The following FGD5 variants were observed in gnomAD, a reference collection of about 807,000 sequenced individuals.
The protein encoded by FGD5 is FYVE, RhoGEF and PH domain-containing protein 5.
In FGD5, 28 loss-of-function variants were observed where a neutral mutation model predicts 133.4. The observed-to-expected ratio is 0.21, with a 90% CI of 0.16 to 0.29. FGD5 has a LOEUF of 0.29. Among genes scored for constraint, FGD5 ranks in the 10% least tolerant of loss-of-function variants. The pLI, the probability that FGD5 is intolerant of heterozygous loss-of-function variation, is 1.00. For missense variants in FGD5, 1,858 were observed against 1,895.2 expected, an observed-to-expected ratio of 0.98 and a Z score of 0.36; for synonymous variants, 810 against 776.5, an observed-to-expected ratio of 1.04 and a Z score of -0.72.
chr3:14,839,933 A>AAAACAAACAAAC lies in FGD5; in HGVS notation c.2525+18359_2525+18370dup, dbSNP rs71038439. Among the ~76,000 whole-genome samples, 1,097 of 149,660 alleles carry AAAACAAACAAAC rather than the reference A, an allele frequency of 7.3e-3. 10 individuals carry two copies. Among genetic ancestry groups the AAAACAAACAAAC allele is most frequent in the African/African-American group, 0.023 (913 of 40,436 alleles). On this transcript the variant is annotated intron_variant, in intron 1 of 19. Transcript: ENST00000285046. ...GGGCAACTGAGCAAGACTGTCTCAA[A>AAAACAAACAAAC]AAACAAACAAACAAACAAACAAACA... is the stretch of plus-strand genomic sequence containing the variant.
At chr3:14,898,638 G>A (rs1196607003) in intron 6 of FGD5, 101 bp from the exon 7 acceptor site, 17 of 922,524 alleles carry the variant, frequency 1.8e-5, no homozygotes, top group African/African-American at 1.3e-4. Flanking sequence ...CAGCTGGCCC[G>A]GGAAGAGGTG....
intron 2 of FGD5, among the ~76,000 whole-genome samples, chr3:14,872,819 A>G (rs34725874): frequency 0.049 from 7,444 of 152,328 alleles, 224 homozygotes; most frequent in Middle Eastern, 0.092. Flanking sequence ...TGTCCAGTCA[A>G]TCCAATCAAA....
rs540823510 is a variant in FGD5 at position 14,840,616 on chromosome 3, A to G, written c.2525+19020A>G. ...TTTAATGACTGCAAGGAATTCCAAT[A>G]TCCAGTCACCTATTGGTAGATATTG... On this transcript the variant is annotated intron_variant, in intron 1 of 19. Transcript: ENST00000285046. Among the ~76,000 whole-genome samples the G allele has an allele frequency of 9.2e-5, 14 of 152,332 alleles. No individual in the cohort carries two copies. In the South Asian group the frequency reaches 2.7e-3, roughly 29 times the overall value.
Position 14,922,656 on chromosome 3 carries a change from CAG to C in FGD5, c.3807+111_3807+112del. On this transcript the variant is annotated intron_variant, in intron 15 of 19. Transcript: ENST00000285046. The surrounding 1 kb of genome is among the most constrained non-coding windows in gnomAD (Gnocchi z 4.1). ...GATGTCCAGCAGCTACTGTAAGCCC[CAG>C]AGTGAGGCATGTTCACACCAACCCG... 1 of 1,422,842 alleles carries C rather than the reference CAG, an allele frequency of 7.0e-7. No individual in the cohort carries two copies. Among genetic ancestry groups the C allele is most frequent in the Non-Finnish European group, 9.4e-7 (1 of 1,061,228 alleles). The allele number at this position is 1,422,842 out of a possible 1,614,324, so 88.1% of individuals were successfully genotyped here.
chr3:14,865,164 G>A (rs1423090405), intron 2 of FGD5, among the ~76,000 whole-genome samples: 4 of 150,016 alleles, frequency 2.7e-5, no homozygotes, highest in Non-Finnish European at 4.4e-5. Context: ...GAGGTGACTG[G>A]AGAGGCAAAG....
At chr3:14,853,348 C>T (rs2037203876) in intron 1 of FGD5, among the ~76,000 whole-genome samples, 1 of 152,104 alleles carries the variant, frequency 6.6e-6, no homozygotes, top group African/African-American at 2.4e-5. Flanking sequence ...CCAGCCCTCC[C>T]CTCCGCCCAC....
chr3:14,866,066 C>A lies in FGD5; in HGVS notation c.2658+1806C>A, dbSNP rs528431153. ...AGGGCTGATGGAGCAGTGGAGCCCA[C>A]CATGCACAACTCTGTACCTCAGAGT... On this transcript the variant is annotated intron_variant, in intron 2 of 19. Transcript: ENST00000285046. 3.3e-5 allele frequency among the ~76,000 whole-genome samples: 5 copies of A among 150,284 alleles called. No individual in the cohort carries two copies. The South Asian group carries it at 8.4e-4, about 25-fold the overall frequency.
At chr3:14,827,076 CTTACAG>C (rs1361653848) in intron 1 of FGD5, among the ~76,000 whole-genome samples, 12 of 152,262 alleles carry the variant, frequency 7.9e-5, no homozygotes, top group Admixed American at 6.5e-4. Context: ...TCATTTATAA[CTTACAG>C]TTAGTTAGGT....
At chr3:14,818,164 A>C (rs2036406560), upstream of FGD5, among the ~76,000 whole-genome samples, 1 of 152,154 alleles carries the variant, frequency 6.6e-6, no homozygotes, top group Non-Finnish European at 1.5e-5. Flanking sequence ...GCATCCACAG[A>C]TATCCATGTG....
chr3:14,929,088 CT>C (rs1242363261), intron 18 of FGD5, among the ~76,000 whole-genome samples: 1 of 152,200 alleles, frequency 6.6e-6, no homozygotes, highest in African/African-American at 2.4e-5. Context: ...AGTTTTGCCT[CT>C]TGATCCTCAA....
At chr3:14,923,255 G>A in intron 16 of FGD5, 80 bp downstream of exon 16, 6 of 1,521,004 alleles carry the variant, frequency 3.9e-6, no homozygotes, top group Non-Finnish European at 5.3e-6. Flanking sequence ...TGTGGTCCAT[G>A]GTTCATGCCT....
intron 2 of FGD5, among the ~76,000 whole-genome samples, chr3:14,877,246 G>A (rs2037737337): frequency 6.6e-6 from 1 of 152,222 alleles, no homozygotes; most frequent in Non-Finnish European, 1.5e-5. Flanking sequence ...CGGGCACACA[G>A]CCTGCCAGGC....
chr3:14,867,459 C>G (rs952233114), intron 2 of FGD5, among the ~76,000 whole-genome samples: 3 of 152,180 alleles, frequency 2.0e-5, no homozygotes, highest in Admixed American at 2.0e-4. Context: ...CACATACCTC[C>G]TTATGCACAT....
chr3:14,816,925 T>G (rs962512417), upstream of FGD5, among the ~76,000 whole-genome samples: 5 of 152,162 alleles, frequency 3.3e-5, no homozygotes, highest in Non-Finnish European at 7.3e-5. Flanking sequence ...GAAATTGAGG[T>G]GCCAGTGGTA....
At chr3:14,878,764 C>T (rs1346490098) in intron 2 of FGD5, among the ~76,000 whole-genome samples, 1 of 143,172 alleles carries the variant, frequency 7.0e-6, no homozygotes, top group Non-Finnish European at 1.5e-5. Flanking sequence ...CTCACACTGT[C>T]GCCCAGGCTG....
chr3:14,914,684 G>A (rs1157171481), intron 11 of FGD5, among the ~76,000 whole-genome samples: 1 of 152,070 alleles, frequency 6.6e-6, no homozygotes, highest in South Asian at 2.1e-4. Flanking sequence ...ATTCCCTCCC[G>A]AGCACACTGG....
chr3:14,907,820 A>T (rs1221544692), intron 10 of FGD5, 109 bp downstream of exon 10: 5 of 1,120,264 alleles, frequency 4.5e-6, no homozygotes, highest in Non-Finnish European at 5.1e-6. Flanking sequence ...GGTGCTGTCT[A>T]CCCATGGAGG....
chr3:14,925,434 A>G (rs1005337405), intron 17 of FGD5, among the ~76,000 whole-genome samples: 6 of 152,158 alleles, frequency 3.9e-5, no homozygotes, highest in African/African-American at 1.4e-4. Flanking sequence ...CTCTTTTACT[A>G]GTAAGGAAAT....
At chr3:14,889,689 A>G (rs2037989182) in intron 4 of FGD5, among the ~76,000 whole-genome samples, 1 of 151,792 alleles carries the variant, frequency 6.6e-6, no homozygotes. Context: ...TTTGTTCCAC[A>G]CTCTTGCCAA....
Sources: gnomAD v4.1 joint callset for allele counts (sites outside exome capture counted in the v4.1 genomes callset) on GRCh38, gnomAD v4.1.1 for gene constraint, Gnocchi (gnomAD v3.1) non-coding constraint, MANE v1.5 for transcripts, NCBI Gene and HGNC (gene_info 2026-07-23, HGNC 2026-07-21) for gene names.